VPS13A: variants seen among roughly 807,000 people sequenced by gnomAD.
The protein encoded by VPS13A is vacuolar protein sorting 13 homolog A.
A neutral mutation model predicts 390.9 loss-of-function variants in VPS13A; 264 were observed. The observed-to-expected ratio is 0.68, with a 90% confidence interval of 0.61 to 0.75. The LOEUF (loss-of-function observed/expected upper bound fraction) is 0.75. Among genes scored for constraint, VPS13A ranks in the 30% least tolerant of loss-of-function variants. VPS13A has a pLI of 0.00. For missense variants in VPS13A, 3,409 were observed against 3,733.9 expected, an observed-to-expected ratio of 0.91 and a Z score of 2.27; for synonymous variants, 1,231 against 1,227.1, an observed-to-expected ratio of 1.00 and a Z score of -0.07.
chr9:77,177,929 G>T, intron 1 of VPS13A, 125 bp downstream of exon 1: 1 of 772,542 alleles, frequency 1.3e-6, no homozygotes, highest in Non-Finnish European at 2.1e-6. Flanking sequence ...ACCTGCCGCC[G>T]CCCGCCTGTG....
At position 77,415,835 on chromosome 9, in the gene VPS13A, T is replaced by C. The variant is rs971953377; in HGVS notation, c.9475-121T>C. The C allele has an allele frequency of 2.1e-5, 23 of 1,102,116 alleles. No individual in the cohort carries two copies. In the Admixed American group the frequency reaches 4.5e-4, roughly 22 times the overall value. The allele number at this position is 1,102,116 out of a possible 1,614,324, so 68.3% of individuals were successfully genotyped here. Reference sequence around the variant, plus strand: ...CTTTTGCAGGATGAATTTTATGTATTGGCTGTCAGTATTACACCTAACTAA... The same window carrying C: ...CTTTTGCAGGATGAATTTTATGTATCGGCTGTCAGTATTACACCTAACTAA... On this transcript the variant is annotated intron_variant, in intron 71 of 71. Transcript: ENST00000360280.
intron 53 of VPS13A, among the ~76,000 whole-genome samples, chr9:77,353,018 T>C (rs1472832762): frequency 5.3e-5 from 8 of 152,112 alleles, no homozygotes; most frequent in Non-Finnish European, 1.2e-4. Flanking sequence ...CCTGTTTGAT[T>C]CAGCTATGAA....
intron 35 of VPS13A, 143 bp from the exon 36 acceptor site, chr9:77,313,849 A>C (rs1386819176): frequency 7.1e-5 from 65 of 921,958 alleles, no homozygotes; most frequent in Non-Finnish European, 1.0e-4. Flanking sequence ...TGAGTTTTAC[A>C]TCTGAATTTT....
chr9:77,217,667 T>C (rs72742579), intron 10 of VPS13A, among the ~76,000 whole-genome samples: 5,659 of 152,328 alleles, frequency 0.037, 161 homozygotes, highest in Non-Finnish European at 0.054. Context: ...CTGAAAAGTA[T>C]TCCATGATGT....
intron 69 of VPS13A, 136 bp from the exon 70 acceptor site, chr9:77,405,728 A>AAGAAC: frequency 8.5e-7 from 1 of 1,182,290 alleles, no homozygotes; most frequent in East Asian, 2.6e-5. Flanking sequence ...GTTCTTTTAA[A>AAGAAC]TTCATTAAGA....
rs74878704 is a variant in VPS13A, at chr9:77,405,928, G to C, written c.9340G>C (p.Asp3114His). 1 of 1,613,898 alleles carries C rather than the reference G, an allele frequency of 6.2e-7. No individual in the cohort carries two copies. Among genetic ancestry groups the C allele is most frequent in the Non-Finnish European group, 8.5e-7 (1 of 1,179,986 alleles). ...CACGTGTGAGTGGCAGTATAGTTTTGATGAATTTACCAAAGAGCCATTCAT... is the reference window on the plus strand; with the variant it reads ...CACGTGTGAGTGGCAGTATAGTTTTCATGAATTTACCAAAGAGCCATTCAT... ...QLTCEWQYSF[D>H]EFTKEPFIVH... The change falls in exon 70 of 72, where the codon GAT (aspartate) becomes CAT (histidine). Residue 3114 changes from aspartate to histidine, a missense_variant. By Grantham distance (81) the Asp-to-His change is moderately conservative. Around this residue, in one of 5 missense-constraint regions of VPS13A, gnomAD observed 318 missense variants for 333.7 expected, o/e 0.95. Transcript: ENST00000360280.
Position 77,190,964 on chromosome 9 carries a change from C to CT in VPS13A, c.101-8972dup, listed in dbSNP as rs573094731. Among the ~76,000 whole-genome samples the CT allele has an allele frequency of 1.5e-3, 225 of 151,028 alleles. 1 individual carries two copies. The highest frequency in any genetic ancestry group is 2.1e-3 in the South Asian group (10 of 4,756). On this transcript the variant is annotated intron_variant, in intron 1 of 71. Transcript: ENST00000360280. ...GTGTTTATTTGGATCTCCTCTCTCT[C>CT]TTTTTTTTTCTTTGTTAGTCTGGCT...
At chr9:77,404,444 A>G (rs986675728) in intron 69 of VPS13A, among the ~76,000 whole-genome samples, 8 of 152,196 alleles carry the variant, frequency 5.3e-5, no homozygotes, top group African/African-American at 1.9e-4. Context: ...ATTTACATGT[A>G]ACTTGTTTCT....
chr9:77,188,987 G>A (rs1436835842), intron 1 of VPS13A, among the ~76,000 whole-genome samples: 3 of 151,812 alleles, frequency 2.0e-5, no homozygotes, highest in Non-Finnish European at 4.4e-5. Context: ...GTTTGTTTAA[G>A]TTCCTTATCG....
At chr9:77,325,369 G>T (rs576519101) in intron 45 of VPS13A, among the ~76,000 whole-genome samples, 7 of 151,812 alleles carry the variant, frequency 4.6e-5, no homozygotes, top group Admixed American at 1.3e-4. Context: ...ATTTAACGTG[G>T]GGTTTCTGTA....
At chr9:77,371,237 T>C (rs1470410000) in intron 67 of VPS13A, 88 bp downstream of exon 67, 2 of 1,571,656 alleles carry the variant, frequency 1.3e-6, no homozygotes, top group Non-Finnish European at 1.7e-6. Flanking sequence ...AGGCATTTAG[T>C]TATTGTCTTT....
chr9:77,299,023 T>C (rs1335327667), intron 33 of VPS13A, among the ~76,000 whole-genome samples: 1 of 152,136 alleles, frequency 6.6e-6, no homozygotes, highest in Non-Finnish European at 1.5e-5. Context: ...GGGAATCCTT[T>C]CCCCATTGCT....
chr9:77,382,999 AAAAC>A (rs1241272339), intron 68 of VPS13A: 6 of 985,146 alleles, frequency 6.1e-6, no homozygotes, highest in Admixed American at 1.2e-4. Context: ...CATTTGTTTG[AAAAC>A]AAACAAGGAA....
In VPS13A at chr9:77,295,555, A is replaced by G. The variant is rs781438563; in HGVS notation, c.3521A>G (p.Asn1174Ser). Residue 1174 changes from asparagine (N) to serine (S), a missense_variant, in exon 33 of 72, where the codon AAT (asparagine) becomes AGT (serine). Physicochemically the swap from Asn to Ser is conservative, Grantham distance 46. This residue lies in a region of VPS13A where 2,717 missense variants were observed against 2,917.4 expected (regional missense o/e 0.93). Transcript: ENST00000360280. ...GTTATCTTACAGGCTTTTATAGATAATTTTCAGGCAGCTAAACAAGCCTTG... is the reference window on the plus strand; with the variant it reads ...GTTATCTTACAGGCTTTTATAGATAGTTTTCAGGCAGCTAAACAAGCCTTG... ...FLYSILAFIDNFQAAKQALAE... is the reference protein window; with the variant it reads ...FLYSILAFIDSFQAAKQALAE... 3.1e-6 allele frequency: 5 copies of G among 1,607,156 alleles called. No individual in the cohort carries two copies. The highest frequency in any genetic ancestry group is 3.4e-6 in the Non-Finnish European group (4 of 1,175,394).
At chr9:77,323,600 G>A (rs1368291484) in intron 45 of VPS13A, among the ~76,000 whole-genome samples, 1 of 152,060 alleles carries the variant, frequency 6.6e-6, no homozygotes, top group East Asian at 1.9e-4. Flanking sequence ...ACAATAAACT[G>A]CATATATTTA....
chr9:77,207,006 C>G (rs1270008635), intron 5 of VPS13A, among the ~76,000 whole-genome samples: 1 of 150,480 alleles, frequency 6.6e-6, no homozygotes, highest in African/African-American at 2.4e-5. Context: ...TTATCCTTAC[C>G]TCCAGTCCTC....
Position 77,319,552 on chromosome 9 carries a change from T to A in VPS13A, c.5314-20T>A. 5 of 1,474,774 alleles carry A rather than the reference T, an allele frequency of 3.4e-6. No individual in the cohort carries two copies. The highest frequency in any genetic ancestry group is 4.7e-6 in the Non-Finnish European group (5 of 1,054,864). The allele number at this position is 1,474,774 out of a possible 1,614,324, so 91.4% of individuals were successfully genotyped here. ...AACAGGATGGAAGATCATTTTTAAT[T>A]TAAAAAATTCTCTCTGTAGGTGCAT... On this transcript the variant is annotated intron_variant, in intron 41 of 71. Coordinates refer to ENST00000360280, the MANE Select transcript of VPS13A (RefSeq NM_033305.3).
chr9:77,254,842 CCTG>C (rs908851514), intron 22 of VPS13A, among the ~76,000 whole-genome samples: 1 of 152,070 alleles, frequency 6.6e-6, no homozygotes, highest in African/African-American at 2.4e-5. Context: ...ATTTTTATAT[CCTG>C]CAACTTGTGA....
At chr9:77,206,517 GTTTA>G (rs967632424) in intron 5 of VPS13A, among the ~76,000 whole-genome samples, 25 of 151,914 alleles carry the variant, frequency 1.6e-4, no homozygotes, top group Non-Finnish European at 2.9e-4. Context: ...GCCTCTATCT[GTTTA>G]TTTACCCTCT....
Sources: gnomAD v4.1 joint callset for allele counts (sites outside exome capture counted in the v4.1 genomes callset) on GRCh38, gnomAD v4.1.1 for gene constraint, gnomAD v4.1.1 regional missense constraint, MANE v1.5 for transcripts, NCBI Gene and HGNC (gene_info 2026-07-23, HGNC 2026-07-21) for gene names.